Variants in FRG2B observed in about 807,000 individuals in gnomAD.
FRG2B encodes the protein protein FRG2-like-1.
For missense variants in FRG2B, 95 were observed against 310.7 expected (o/e 0.31, Z 5.22); for synonymous variants, 33 against 117.1 (o/e 0.28, Z 4.64).
At position 133,624,345 on chromosome 10, in the gene FRG2B, G is replaced by A. The variant is rs1253255131; in HGVS notation, c.*754C>T. ...CAAAATATATAGACATTTTCCCACA[G>A]GGAGTGCTATTAATGGTTTGTGGAT... On this transcript the variant is annotated 3_prime_UTR_variant, in exon 4 of 4. Transcript: ENST00000425520. 2 of 98,180 alleles carry A rather than the reference G, an allele frequency of 2.0e-5. 1 individual carries two copies. The highest frequency in any genetic ancestry group is 6.2e-4 in the East Asian group (2 of 3,238). The allele number at this position is 98,180 out of a possible 1,614,324, so 6.1% of individuals were successfully genotyped here.
Position 133,626,633 on chromosome 10 carries a change from T to A in FRG2B, c.110A>T (p.Lys37Met). 6.2e-7 allele frequency: 1 copy of A among 1,611,678 alleles called. No individual in the cohort carries two copies. Reference sequence around the variant, plus strand: ...CTTGCCTTTTTCTTTGAATGGTTTCTTCTCATCTGAGCCCTTTTCTGTAAA... The same window carrying A: ...CTTGCCTTTTTCTTTGAATGGTTTCATCTCATCTGAGCCCTTTTCTGTAAA... ...ISFTEKGSDEKKPFKEKGKTA... is the reference protein window; with the variant it reads ...ISFTEKGSDEMKPFKEKGKTA... The change falls in exon 1 of 4, where the codon AAG (lysine) becomes ATG (methionine). Residue 37 changes from lysine (K) to methionine (M), a missense_variant. Transcript: ENST00000425520.
At position 133,624,643 on chromosome 10, in the gene FRG2B, G is replaced by C. The variant is rs1852483336; in HGVS notation, c.*456C>G. 1 of 150,388 alleles carries C rather than the reference G, an allele frequency of 6.6e-6. No individual in the cohort carries two copies. Among genetic ancestry groups the C allele is most frequent in the South Asian group, 1.7e-4 (1 of 6,034 alleles). 9.3% of individuals were successfully genotyped at this position (150,388 alleles called of 1,614,324 possible). On this transcript the variant is annotated 3_prime_UTR_variant, in exon 4 of 4. Transcript: ENST00000425520. ...GGAGGCTGAGGCATGAGAATTGTTTGAACCCAGGAAGCAGAGGTTGCAGTG... is the reference window on the plus strand; with the variant it reads ...GGAGGCTGAGGCATGAGAATTGTTTCAACCCAGGAAGCAGAGGTTGCAGTG...
chr10:133,625,623 A>G lies in FRG2B; in HGVS notation c.332-19T>C. 1 of 1,569,156 alleles carries G rather than the reference A, an allele frequency of 6.4e-7. No individual in the cohort carries two copies. Among genetic ancestry groups the G allele is most frequent in the Non-Finnish European group, 8.6e-7 (1 of 1,157,700 alleles). ...CAGTTCCCTGCAAAGAAAGCATGTG[A>G]GAGACTCACCAGAGCAGTCCCCACA... On this transcript the variant is annotated intron_variant, in intron 3 of 3. Coordinates refer to ENST00000425520, the MANE Select transcript of FRG2B (RefSeq NM_001080998.2).
intron 3 of FRG2B, 69 bp downstream of exon 3, chr10:133,625,853 T>C (rs1378687403): frequency 7.5e-7 from 1 of 1,335,370 alleles, no homozygotes; most frequent in East Asian, 2.3e-5. Flanking sequence ...GTTTCCTGAT[T>C]ATTTGCCTTT....
chr10:133,625,443 C>T lies in FRG2B; in HGVS notation c.493G>A (p.Gly165Arg), dbSNP rs868161188. The stretch of plus-strand genomic sequence containing the variant: ...TTTCGAATTGACGGTGTTTGGACTC[C>T]TAGGGCCCGAGACCTATGCCGCTTG... ...RSKRHRSRALGVQTPSIRKSL... is the reference protein window; with the variant it reads ...RSKRHRSRALRVQTPSIRKSL... Residue 165 changes from glycine to arginine, a missense_variant, in exon 4 of 4, where the codon GGA becomes AGA. Coordinates refer to ENST00000425520, the MANE Select transcript of FRG2B (RefSeq NM_001080998.2). 1 of 1,611,324 alleles carries T rather than the reference C, an allele frequency of 6.2e-7. No homozygotes were observed. Among genetic ancestry groups the T allele is most frequent in the South Asian group, 1.1e-5 (1 of 90,466 alleles).
chr10:133,624,750 A>G lies in FRG2B; in HGVS notation c.*349T>C, dbSNP rs1267024889. 1 of 250,576 alleles carries G rather than the reference A, an allele frequency of 4.0e-6. No homozygotes were observed. The highest frequency in any genetic ancestry group is 1.1e-4 in the East Asian group (1 of 9,426). The allele number at this position is 250,576 out of a possible 1,614,324, so 15.5% of individuals were successfully genotyped here. A position where few individuals can be genotyped will look rare whatever the true frequency, so the allele number is the denominator to read the frequency against. On this transcript the variant is annotated 3_prime_UTR_variant, in exon 4 of 4. Coordinates refer to ENST00000425520, the MANE Select transcript of FRG2B (RefSeq NM_001080998.2). ...AAAAAAAACAAAAAAGGAGCACATAATTTTATATTTACTTTTCTACAATCT... is the reference window on the plus strand; with the variant it reads ...AAAAAAAACAAAAAAGGAGCACATAGTTTTATATTTACTTTTCTACAATCT...
chr10:133,625,608 C>A lies in FRG2B; in HGVS notation c.332-4G>T. On this transcript the variant is annotated splice_region_variant and splice_polypyrimidine_tract_variant and intron_variant, in intron 3 of 3. Coordinates refer to ENST00000425520, the MANE Select transcript of FRG2B (RefSeq NM_001080998.2). Reference sequence around the variant, plus strand: ...CACTCCTTTTCTGGACAGTTCCCTGCAAAGAAAGCATGTGAGAGACTCACC... The same window carrying A: ...CACTCCTTTTCTGGACAGTTCCCTGAAAAGAAAGCATGTGAGAGACTCACC... 3 of 1,569,752 alleles carry A rather than the reference C, an allele frequency of 1.9e-6. No homozygotes were observed. Among genetic ancestry groups the A allele is most frequent in the Non-Finnish European group, 2.6e-6 (3 of 1,159,738 alleles).
rs1852482500 is a variant in FRG2B, at chr10:133,624,505, C to T, written c.*594G>A. 1 of 91,334 alleles carries T rather than the reference C, an allele frequency of 1.1e-5. No homozygotes were observed. The highest frequency in any genetic ancestry group is 1.9e-5 in the Non-Finnish European group (1 of 51,518). The allele number at this position is 91,334 out of a possible 1,614,324, so 5.7% of individuals were successfully genotyped here. On this transcript the variant is annotated 3_prime_UTR_variant, in exon 4 of 4. Coordinates refer to ENST00000425520, the MANE Select transcript of FRG2B (RefSeq NM_001080998.2). Reference sequence around the variant, plus strand: ...TTGGGAGGCGGAGGCTGGCAGATCACCTGAGTTCGAGGCCAACCTGGCCAA... The same window carrying T: ...TTGGGAGGCGGAGGCTGGCAGATCATCTGAGTTCGAGGCCAACCTGGCCAA...
In FRG2B at chr10:133,625,469, C is replaced by T. The variant is rs539980604; in HGVS notation, c.467G>A (p.Ser156Asn). ...RGRSRACTGRSKRHRSRALGV... is the reference protein window; with the variant it reads ...RGRSRACTGRNKRHRSRALGV... ...TAGGGCCCGAGACCTATGCCGCTTG[C>T]TGCGCCCAGTGCAAGCCCTGGAACG... is the stretch of plus-strand genomic sequence containing the variant. Residue 156 changes from serine (S) to asparagine (N), a missense_variant, in exon 4 of 4, where the codon AGC becomes AAC. Transcript: ENST00000425520. 69 of 1,611,904 alleles carry T rather than the reference C, an allele frequency of 4.3e-5. No homozygotes were observed. In the African/African-American group the frequency reaches 8.9e-4, roughly 21 times the overall value.
Position 133,625,309 on chromosome 10 carries a change from C to T in FRG2B, c.627G>A (p.Leu209=), listed in dbSNP as rs1409147816. 6.3e-6 allele frequency: 10 copies of T among 1,586,296 alleles called. No homozygotes were observed. Among genetic ancestry groups the T allele is most frequent in the Middle Eastern group, 1.7e-4 (1 of 5,790 alleles). The change falls in exon 4 of 4, where the codon CTG becomes CTA. Residue 209 remains leucine, a synonymous_variant. Coordinates refer to ENST00000425520, the MANE Select transcript of FRG2B (RefSeq NM_001080998.2). The part of the protein sequence containing the change: ...HSPLTCEQLT[L]LTRLRGPLCA... ...ACAGAGGCCCCCGGAGCCGAGTGAG[C>T]AGTGTCAGCTGCTCACAGGTAAGTG...
chr10:133,624,462 G>A lies in FRG2B; in HGVS notation c.*637C>T, dbSNP rs1159021992. 1 of 91,632 alleles carries A rather than the reference G, an allele frequency of 1.1e-5. No homozygotes were observed. The highest frequency in any genetic ancestry group is 1.9e-5 in the Non-Finnish European group (1 of 51,934). 5.7% of individuals were successfully genotyped at this position (91,632 alleles called of 1,614,324 possible). A position where few individuals can be genotyped will look rare whatever the true frequency, so the allele number is the denominator to read the frequency against. The stretch of plus-strand genomic sequence containing the variant: ...GCAATTTCTTGGTAAGGCGGCTCAT[G>A]CCTGTAATCCCAGCACGTTGGGAGG... On this transcript the variant is annotated 3_prime_UTR_variant, in exon 4 of 4. Coordinates refer to ENST00000425520, the MANE Select transcript of FRG2B (RefSeq NM_001080998.2).
chr10:133,625,374 G>C lies in FRG2B; in HGVS notation c.562C>G (p.Gln188Glu), dbSNP rs1273995951. Residue 188 changes from glutamine (Q) to glutamate (E), a missense_variant, in exon 4 of 4, where the codon CAA becomes GAA. By Grantham distance (29) the Gln-to-Glu change is conservative. Coordinates refer to ENST00000425520, the MANE Select transcript of FRG2B (RefSeq NM_001080998.2). ...TGTGCCCACACCTGGGCTAGGTCTTGATAAACAGCCTCTGACATAGCTCGC... is the reference window on the plus strand; with the variant it reads ...TGTGCCCACACCTGGGCTAGGTCTTCATAAACAGCCTCTGACATAGCTCGC... ...SVRAMSEAVY[Q>E]DLAQVWAQQI... The C allele has an allele frequency of 6.2e-7, 1 of 1,605,842 alleles. No individual in the cohort carries two copies. Among genetic ancestry groups the C allele is most frequent in the Non-Finnish European group, 8.5e-7 (1 of 1,178,078 alleles).
rs757877755 is a variant in FRG2B at position 133,625,515 on chromosome 10, A to G, written c.421T>C (p.Cys141Arg). 2.5e-6 allele frequency: 4 copies of G among 1,607,114 alleles called. No homozygotes were observed. The East Asian group carries it at 9.0e-5, about 36-fold the overall frequency. The change falls in exon 4 of 4, where the codon TGT (cysteine) becomes CGT (arginine). Residue 141 changes from cysteine (C) to arginine (R), a missense_variant. Transcript: ENST00000425520. The part of the protein sequence containing the change: ...PVHNSEIQET[C>R]DAHHRGRSRA... ...GAACGTCCCCTATGGTGGGCATCAC[A>G]GGTCTCCTGGATTTCACTGTTGTGC...
chr10:133,624,813 C>A lies in FRG2B; in HGVS notation c.*286G>T, dbSNP rs1852484911. On this transcript the variant is annotated 3_prime_UTR_variant, in exon 4 of 4. Transcript: ENST00000425520. Reference sequence around the variant, plus strand: ...TTCACGATTACATTCTAATGTTTTTCTGATTATATAGAAATGCATGACTGT... The same window carrying A: ...TTCACGATTACATTCTAATGTTTTTATGATTATATAGAAATGCATGACTGT... 5.4e-6 allele frequency: 1 copy of A among 185,276 alleles called. No individual in the cohort carries two copies. Among genetic ancestry groups the A allele is most frequent in the Non-Finnish European group, 9.9e-6 (1 of 101,470 alleles). The allele number at this position is 185,276 out of a possible 1,614,324, so 11.5% of individuals were successfully genotyped here. A position where few individuals can be genotyped will look rare whatever the true frequency, so the allele number is the denominator to read the frequency against.
Position 133,625,542 on chromosome 10 carries a change from C to T in FRG2B, c.394G>A (p.Val132Met), listed in dbSNP as rs1852494756. ...LNKKSRSSTP[V>M]HNSEIQETCD... ...GTCTCCTGGATTTCACTGTTGTGCA[C>T]AGGAGTGGAGGATCTTGATTTTTTA... is the stretch of plus-strand genomic sequence containing the variant. Residue 132 changes from valine to methionine, a missense_variant, in exon 4 of 4, where the codon GTG becomes ATG. Physicochemically the swap from Val to Met is conservative, Grantham distance 21. Coordinates refer to ENST00000425520, the MANE Select transcript of FRG2B (RefSeq NM_001080998.2). 1 of 1,585,618 alleles carries T rather than the reference C, an allele frequency of 6.3e-7. No individual in the cohort carries two copies. The highest frequency in any genetic ancestry group is 2.3e-5 in the East Asian group (1 of 43,192).
Position 133,625,574 on chromosome 10 carries a change from G to A in FRG2B, c.362C>T (p.Ser121Leu). The A allele has an allele frequency of 1.3e-6, 2 of 1,578,576 alleles. No homozygotes were observed. The highest frequency in any genetic ancestry group is 2.4e-5 in the South Asian group (2 of 82,886). Residue 121 changes from serine to leucine, a missense_variant, in exon 4 of 4, where the codon TCA (serine) becomes TTA (leucine). Transcript: ENST00000425520. ...GGAGGATCTTGATTTTTTATTCAATGACAAGCTGCACTCCTTTTCTGGACA... is the reference window on the plus strand; with the variant it reads ...GGAGGATCTTGATTTTTTATTCAATAACAAGCTGCACTCCTTTTCTGGACA... The part of the protein sequence containing the change: ...GNCPEKECSL[S>L]LNKKSRSSTP...
rs1852479817 is a variant in FRG2B at position 133,624,086 on chromosome 10, A to G, written c.*1013T>C. The G allele has an allele frequency of 9.2e-6, 1 of 108,984 alleles. No individual in the cohort carries two copies. The highest frequency in any genetic ancestry group is 4.7e-5 in the African/African-American group (1 of 21,062). 6.8% of individuals were successfully genotyped at this position (108,984 alleles called of 1,614,324 possible). On this transcript the variant is annotated 3_prime_UTR_variant, in exon 4 of 4. Coordinates refer to ENST00000425520, the MANE Select transcript of FRG2B (RefSeq NM_001080998.2). ...GAATATACGTCAAATATAACAAAAT[A>G]CACTGTATTGTAGTACGTGATGAAA...
At position 133,625,582 on chromosome 10, in the gene FRG2B, G is replaced by T. The variant is rs1245147750; in HGVS notation, c.354C>A (p.Cys118Ter). The change falls in exon 4 of 4, where the codon TGC (cysteine) becomes TGA (stop). Residue 118 changes from cysteine (C) to a stop codon, truncating the protein, a stop_gained. Transcript: ENST00000425520. LOFTEE classifies it low-confidence loss of function (END_TRUNC). ...TTGATTTTTTATTCAATGACAAGCTGCACTCCTTTTCTGGACAGTTCCCTG... is the reference window on the plus strand; with the variant it reads ...TTGATTTTTTATTCAATGACAAGCTTCACTCCTTTTCTGGACAGTTCCCTG... ...DTAGNCPEKE[C>*]SLSLNKKSRS... is the part of the protein sequence containing the mutation. The T allele has an allele frequency of 1.3e-6, 2 of 1,578,076 alleles. No individual in the cohort carries two copies. Among genetic ancestry groups the T allele is most frequent in the East Asian group, 2.4e-5 (1 of 42,434 alleles).
rs1326032732 is a variant in FRG2B, at chr10:133,625,409, A to G, written c.527T>C (p.Val176Ala). The change falls in exon 4 of 4, where the codon GTG becomes GCG. Residue 176 changes from valine to alanine, a missense_variant. By Grantham distance (64) the Val-to-Ala change is moderately conservative. Coordinates refer to ENST00000425520, the MANE Select transcript of FRG2B (RefSeq NM_001080998.2). ...CTCTGACATAGCTCGCACAGAGGTC[A>G]CCAAGCTTTTTCGAATTGACGGTGT... Reference protein sequence around the residue: ...VQTPSIRKSLVTSVRAMSEAV... With the variant: ...VQTPSIRKSLATSVRAMSEAV... 1 of 1,609,700 alleles carries G rather than the reference A, an allele frequency of 6.2e-7. No individual in the cohort carries two copies. Among genetic ancestry groups the G allele is most frequent in the African/African-American group, 1.4e-5 (1 of 74,030 alleles).
Sources: gnomAD v4.1 joint callset for allele counts on GRCh38, gnomAD v4.1.1 for gene constraint, MANE v1.5 for transcripts, NCBI Gene and HGNC (gene_info 2026-07-23, HGNC 2026-07-21) for gene names.